ZC3H12B: variants seen among roughly 807,000 people sequenced by gnomAD.
ZC3H12B encodes probable ribonuclease ZC3H12B.
ZC3H12B carries 7 observed loss-of-function variants against 43.9 expected under a neutral mutation model. That is an observed-to-expected ratio of 0.16 (90% CI 0.09 to 0.30). The LOEUF (loss-of-function observed/expected upper bound fraction) is 0.30. ZC3H12B is among the 10% of genes least tolerant of loss of function. ZC3H12B has a pLI of 1.00. For missense variants in ZC3H12B, 475 were observed against 670.2 expected (o/e 0.71, Z 3.22); for synonymous variants, 222 against 241.7 (o/e 0.92, Z 0.76).
chrX:65,229,294 G>T, the ZC3H12B span, among the ~76,000 whole-genome samples: 3 of 111,677 alleles, frequency 2.7e-5, no homozygotes, highest in Non-Finnish European at 5.6e-5. Flanking sequence ...AAGGATTCCC[G>T]ATTTACTAAA....
chrX:65,313,182 G>C, the ZC3H12B span, among the ~76,000 whole-genome samples: 8 of 111,757 alleles, frequency 7.2e-5, no homozygotes, highest in African/African-American at 2.6e-4. Context: ...TGCCCTGCCT[G>C]GTTGTTAAGT....
At chrX:65,216,330 T>C in the ZC3H12B span, among the ~76,000 whole-genome samples, 4 of 110,959 alleles carry the variant, frequency 3.6e-5, no homozygotes, top group African/African-American at 1.3e-4. Flanking sequence ...GAGAGCGTAG[T>C]GAGTGTGGGA....
chrX:65,158,267 C>T, the ZC3H12B span, among the ~76,000 whole-genome samples: 1 of 110,821 alleles, frequency 9.0e-6, no homozygotes, highest in East Asian at 2.8e-4. Context: ...GCATGATTTA[C>T]AGTTCTTTGG....
chrX:65,169,144 C>G, the ZC3H12B span, among the ~76,000 whole-genome samples: 9 of 111,651 alleles, frequency 8.1e-5, no homozygotes, highest in Non-Finnish European at 1.5e-4. Context: ...AATTTTTGAT[C>G]TTTCCTGCTT....
At chrX:65,161,809 TGTTA>T in the ZC3H12B span, among the ~76,000 whole-genome samples, 8 of 111,741 alleles carry the variant, frequency 7.2e-5, no homozygotes, top group Non-Finnish European at 1.5e-4. Context: ...GTCATTATGG[TGTTA>T]GTTAGCTGGT....
the ZC3H12B span, among the ~76,000 whole-genome samples, chrX:65,237,369 C>A: frequency 9.0e-6 from 1 of 110,944 alleles, no homozygotes; most frequent in African/African-American, 3.3e-5. Context: ...TCTCTGCTTG[C>A]ATGTTGGTAT....
the ZC3H12B span, among the ~76,000 whole-genome samples, chrX:65,132,783 G>A: frequency 1.8e-5 from 2 of 111,148 alleles, no homozygotes; most frequent in Admixed American, 1.9e-4. Flanking sequence ...AGGTAATGTG[G>A]AGTGGATAGC....
the ZC3H12B span, among the ~76,000 whole-genome samples, chrX:65,220,418 G>A: frequency 9.0e-6 from 1 of 111,713 alleles, no homozygotes; most frequent in African/African-American, 3.3e-5. Context: ...ATGGCCGAAT[G>A]GATAAGAACC....
chrX:65,119,866 GC>G, the ZC3H12B span, among the ~76,000 whole-genome samples: 2 of 111,646 alleles, frequency 1.8e-5, no homozygotes, highest in African/African-American at 6.5e-5. Flanking sequence ...TCTACATATG[GC>G]TAGCCAGTTT....
the ZC3H12B span, among the ~76,000 whole-genome samples, chrX:65,138,389 G>A: frequency 6.6e-4 from 73 of 111,069 alleles, 1 homozygote; most frequent in East Asian, 3.1e-3. Context: ...AGGTTCATTC[G>A]TATTGCCACA....
At chrX:65,074,414 C>CA in the ZC3H12B span, among the ~76,000 whole-genome samples, 1 of 111,421 alleles carries the variant, frequency 9.0e-6, no homozygotes, top group African/African-American at 3.3e-5. Context: ...TTGTTTTTGA[C>CA]ATTTGACAAT....
intron 3 of ZC3H12B, among the ~76,000 whole-genome samples, chrX:65,445,014 C>A (rs893688481): frequency 8.9e-6 from 1 of 111,979 alleles, no homozygotes; most frequent in Non-Finnish European, 1.9e-5. Context: ...CTTCAGTACA[C>A]CAATTGAATT....
chrX:65,131,312 G>A, the ZC3H12B span, among the ~76,000 whole-genome samples: 2 of 111,442 alleles, frequency 1.8e-5, no homozygotes, highest in African/African-American at 6.5e-5. Context: ...AGGAAAGAAG[G>A]AAATATGGGG....
chrX:65,260,426 G>T, the ZC3H12B span, among the ~76,000 whole-genome samples: 3 of 111,099 alleles, frequency 2.7e-5, no homozygotes, highest in South Asian at 3.8e-4. Context: ...AGGGTGTAGG[G>T]TGGGAAGAAG....
At chrX:65,343,901 GATATGGTTAT>G in the ZC3H12B span, among the ~76,000 whole-genome samples, 1 of 112,093 alleles carries the variant, frequency 8.9e-6, no homozygotes, top group Non-Finnish European at 1.9e-5. Flanking sequence ...GTTTGGAGAT[GATATGGTTAT>G]ACATCTACAA....
At chrX:65,462,022 C>A (rs1459610879) in intron 3 of ZC3H12B, among the ~76,000 whole-genome samples, 1 of 108,857 alleles carries the variant, frequency 9.2e-6, no homozygotes, top group Non-Finnish European at 1.9e-5. Context: ...AAAGCTCTAC[C>A]TTAGAAAAAT....
chrX:65,420,288 A>G (rs530894917), intron 3 of ZC3H12B, among the ~76,000 whole-genome samples: 3 of 111,638 alleles, frequency 2.7e-5, no homozygotes, highest in African/African-American at 9.8e-5. Context: ...GGACCCTGTC[A>G]GCAGATCAAC....
chrX:65,225,356 C>T, the ZC3H12B span, among the ~76,000 whole-genome samples: 1 of 112,169 alleles, frequency 8.9e-6, no homozygotes, highest in Non-Finnish European at 1.9e-5. Flanking sequence ...AAAAGACATC[C>T]ACACCAAAAA....
chrX:65,453,979 T>C (rs1317929631), intron 3 of ZC3H12B, among the ~76,000 whole-genome samples: 1 of 111,441 alleles, frequency 9.0e-6, no homozygotes, highest in African/African-American at 3.3e-5. Context: ...ACTGCTCGGG[T>C]GATGAGTGCA....
Sources: gnomAD v4.1 joint callset for allele counts (sites outside exome capture counted in the v4.1 genomes callset) on GRCh38, gnomAD v4.1.1 for gene constraint, MANE v1.5 for transcripts, NCBI Gene and HGNC (gene_info 2026-07-23, HGNC 2026-07-21) for gene names.